The following OPHN1 variants were observed in gnomAD, a reference collection of about 807,000 sequenced individuals.
The protein encoded by OPHN1 is oligophrenin-1.
A neutral mutation model predicts 60.7 loss-of-function variants in OPHN1; 11 were observed. The observed-to-expected ratio is 0.18, with a 90% CI of 0.11 to 0.30. The LOEUF (loss-of-function observed/expected upper bound fraction) is 0.30, where lower values mean the gene tolerates loss of function less well. Ranked by LOEUF, OPHN1 falls within the 10% of genes least tolerant of loss-of-function variation. The pLI is 1.00. For missense variants in OPHN1, 449 were observed against 611.0 expected (o/e 0.73, Z 2.80); for synonymous variants, 226 against 222.6 (o/e 1.02, Z -0.14).
chrX:68,287,156 G>GGAAGGAAAGAAAGAAA, intron 3 of OPHN1, among the ~76,000 whole-genome samples: 1 of 72,897 alleles, frequency 1.4e-5, no homozygotes, highest in East Asian at 3.7e-4. Flanking sequence ...GAAGAAAGAA[G>GGAAGGAAAGAAAGAAA]GAAAGAAAGA....
chrX:68,134,737 T>C (rs1453442971), intron 15 of OPHN1, among the ~76,000 whole-genome samples: 1 of 109,849 alleles, frequency 9.1e-6, no homozygotes, highest in Non-Finnish European at 1.9e-5. Flanking sequence ...CACCTTTGTA[T>C]CAGTTATTAA....
intron 2 of OPHN1, among the ~76,000 whole-genome samples, chrX:68,315,736 CA>C (rs1262196153): frequency 9.2e-6 from 1 of 109,224 alleles, no homozygotes; most frequent in Non-Finnish European, 1.9e-5. Context: ...AAAACCAACA[CA>C]AAAAAAACAG....
chrX:68,088,811 G>T (rs1055731693), intron 19 of OPHN1, among the ~76,000 whole-genome samples: 2 of 110,646 alleles, frequency 1.8e-5, no homozygotes, highest in East Asian at 2.8e-4. Flanking sequence ...CAAGGCTCAG[G>T]GGGGTAAACT....
At position 68,046,984 on chromosome X, in the gene OPHN1, A is replaced by T. The variant is rs1458400356; in HGVS notation, c.*188T>A. ...GGGATGAAGACAGAATACAAAGGAG[A>T]TATAAACACCTGTCTAGGACATATG... On this transcript the variant is annotated 3_prime_UTR_variant, in exon 25 of 25. Coordinates refer to ENST00000355520, the MANE Select transcript of OPHN1 (RefSeq NM_002547.3). The T allele has an allele frequency of 2.3e-4, 26 of 111,762 alleles. No individual in the cohort carries two copies. The highest frequency in any genetic ancestry group is 2.3e-3 in the Admixed American group (24 of 10,530). 9.2% of individuals were successfully genotyped at this position (111,762 alleles called of 1,213,427 possible).
At chrX:68,401,396 A>C (rs1050557080) in intron 2 of OPHN1, among the ~76,000 whole-genome samples, 1 of 112,041 alleles carries the variant, frequency 8.9e-6, no homozygotes, top group Admixed American at 9.5e-5. Flanking sequence ...CAGGATTACA[A>C]AGAAAGCTAA....
intron 5 of OPHN1, among the ~76,000 whole-genome samples, chrX:68,265,290 G>T (rs2077917808): frequency 8.9e-6 from 1 of 111,997 alleles, no homozygotes. Context: ...AGTAGGGACA[G>T]ACTGACACCT....
At chrX:68,308,601 A>AAAAAGAAAAG (rs202118099) in intron 2 of OPHN1, among the ~76,000 whole-genome samples, 31 of 108,876 alleles carry the variant, frequency 2.8e-4, no homozygotes, top group African/African-American at 9.3e-4. Flanking sequence ...CACGAAAAGA[A>AAAAAGAAAAG]AAAAGAAAAG....
chrX:68,081,554 T>G (rs1386466755), intron 19 of OPHN1, among the ~76,000 whole-genome samples: 1 of 111,951 alleles, frequency 8.9e-6, no homozygotes, highest in Non-Finnish European at 1.9e-5. Flanking sequence ...CACACAATTT[T>G]TTCTGGTTTC....
chrX:68,098,964 C>T (rs2077047913), intron 18 of OPHN1, among the ~76,000 whole-genome samples: 1 of 111,291 alleles, frequency 9.0e-6, no homozygotes, highest in African/African-American at 3.3e-5. Context: ...ATATTTGTTG[C>T]TCCCCAAGTC....
intron 2 of OPHN1, among the ~76,000 whole-genome samples, chrX:68,378,465 T>C (rs1237663439): frequency 1.8e-5 from 2 of 112,068 alleles, no homozygotes; most frequent in African/African-American, 3.2e-5. Flanking sequence ...TTTTGGCTTT[T>C]GTTGCCATTG....
rs1602227878 is a variant in OPHN1, at chrX:68,196,046, G to A, written c.1104+1140C>T. Among the ~76,000 whole-genome samples the A allele has an allele frequency of 5.4e-5, 6 of 112,128 alleles. 1 individual carries two copies. In the South Asian group the frequency reaches 2.2e-3, roughly 42 times the overall value. On this transcript the variant is annotated intron_variant, in intron 12 of 24. Transcript: ENST00000355520. The stretch of plus-strand genomic sequence containing the variant: ...AGAGTTCAGCAGCAGGTTTCTGGAA[G>A]GTGACAGAAGGAAGACAGTGCTGGA...
At chrX:68,368,408 G>A (rs758614651) in intron 2 of OPHN1, among the ~76,000 whole-genome samples, 9 of 111,052 alleles carry the variant, frequency 8.1e-5, no homozygotes, top group Non-Finnish European at 1.7e-4. Flanking sequence ...TGGACATGGT[G>A]TTGTGCACCC....
chrX:68,353,846 CT>C (rs999310741), intron 2 of OPHN1, among the ~76,000 whole-genome samples: 1 of 111,348 alleles, frequency 9.0e-6, no homozygotes, highest in Non-Finnish European at 1.9e-5. Context: ...ATAAATTAGT[CT>C]TTTTTTCTTC....
At chrX:68,321,226 G>A (rs1445653637) in intron 2 of OPHN1, among the ~76,000 whole-genome samples, 1 of 111,410 alleles carries the variant, frequency 9.0e-6, no homozygotes, top group Non-Finnish European at 1.9e-5. Flanking sequence ...CTATCGTGAC[G>A]CTACCTAGAA....
At chrX:68,257,898 T>C (rs1459584236) in intron 5 of OPHN1, among the ~76,000 whole-genome samples, 2 of 110,696 alleles carry the variant, frequency 1.8e-5, no homozygotes, top group Non-Finnish European at 3.8e-5. Context: ...GACATGACTT[T>C]GAAGCCAGCT....
chrX:68,182,195 T>TG (rs1555950140), intron 15 of OPHN1, among the ~76,000 whole-genome samples: 1 of 96,937 alleles, frequency 1.0e-5, no homozygotes, highest in Middle Eastern at 5.3e-3. Context: ...GTAGTTTTTT[T>TG]TTTTTTTTTT....
intron 19 of OPHN1, among the ~76,000 whole-genome samples, chrX:68,077,723 G>C (rs2147376295): frequency 8.9e-6 from 1 of 111,907 alleles, no homozygotes; most frequent in Non-Finnish European, 1.9e-5. Flanking sequence ...GGATTACAGA[G>C]GAATGTCAAC....
rs1261113611 is a variant in OPHN1, at chrX:68,052,593, G to A, written c.2325-3C>T. On this transcript the variant is annotated splice_polypyrimidine_tract_variant and splice_region_variant and intron_variant, in intron 22 of 24. Coordinates refer to ENST00000355520, the MANE Select transcript of OPHN1 (RefSeq NM_002547.3). ...AAAACCTGGTCCTGGAAGCCACCCTGCAAACAGAAGCCAACCAAGTCCCAT... is the reference window on the plus strand; with the variant it reads ...AAAACCTGGTCCTGGAAGCCACCCTACAAACAGAAGCCAACCAAGTCCCAT... 8.3e-7 allele frequency: 1 copy of A among 1,205,414 alleles called. No individual in the cohort carries two copies. The highest frequency in any genetic ancestry group is 2.2e-5 in the Admixed American group (1 of 45,504).
At chrX:68,428,775 A>T (rs2078871705) in intron 2 of OPHN1, among the ~76,000 whole-genome samples, 1 of 112,097 alleles carries the variant, frequency 8.9e-6, no homozygotes, top group Non-Finnish European at 1.9e-5. Flanking sequence ...TGAAGCTACC[A>T]ATATAAAAAT....
Sources: allele counts gnomAD v4.1 joint callset (sites outside exome capture counted in the v4.1 genomes callset), GRCh38; gene constraint gnomAD v4.1.1; transcripts MANE v1.5; gene names NCBI Gene and HGNC (gene_info 2026-07-23, HGNC 2026-07-21).